PLPP4: variants seen among roughly 807,000 people sequenced by gnomAD.
PLPP4 encodes diacylglycerol pyrophosphate like 2.
A neutral mutation model predicts 32.2 loss-of-function variants in PLPP4; 20 were observed. That is an observed-to-expected ratio of 0.62 (90% CI 0.44 to 0.90). The LOEUF (loss-of-function observed/expected upper bound fraction) is 0.90, where lower values mean the gene tolerates loss of function less well. Among genes scored for constraint, PLPP4 ranks in the 40% least tolerant of loss-of-function variants. The pLI is 0.00. For synonymous variants in PLPP4, 127 were observed against 133.0 expected, an observed-to-expected ratio of 0.95 and a Z score of 0.31; for missense variants, 257 against 353.1, an observed-to-expected ratio of 0.73 and a Z score of 2.18.
At chr10:120,480,115 T>C (rs1018165081) in intron 1 of PLPP4, among the ~76,000 whole-genome samples, 8 of 152,200 alleles carry the variant, frequency 5.3e-5, no homozygotes, top group African/African-American at 1.9e-4. Flanking sequence ...GTTCAGGTGC[T>C]GGAGGTTTCT....
At chr10:120,574,168 ACTCTCTCTC>A (rs1849091390) in intron 5 of PLPP4, among the ~76,000 whole-genome samples, 1 of 47,092 alleles carries the variant, frequency 2.1e-5, no homozygotes, top group South Asian at 9.4e-4. Context: ...ACACACACAC[ACTCTCTCTC>A]TCTCTCTCTC....
chr10:120,529,133 C>A (rs569411901), intron 5 of PLPP4, among the ~76,000 whole-genome samples: 1 of 152,262 alleles, frequency 6.6e-6, no homozygotes, highest in Admixed American at 6.5e-5. Flanking sequence ...TTTTGCACCC[C>A]CCAGGGGACA....
chr10:120,462,458 C>T (rs191250690), intron 1 of PLPP4, among the ~76,000 whole-genome samples: 251 of 152,306 alleles, frequency 1.6e-3, no homozygotes, highest in Non-Finnish European at 3.0e-3. Context: ...GCTTCGTGGC[C>T]GCAGCCCTGC....
At chr10:120,471,891 C>T (rs1246566557) in intron 1 of PLPP4, among the ~76,000 whole-genome samples, 1 of 151,908 alleles carries the variant, frequency 6.6e-6, no homozygotes, top group African/African-American at 2.4e-5. Context: ...AGCTATATCT[C>T]TTTAAAAATT....
At position 120,535,956 on chromosome 10, in the gene PLPP4, A is replaced by G. The variant is rs1457982736; in HGVS notation, c.445+14861A>G. On this transcript the variant is annotated intron_variant, in intron 5 of 6. Coordinates refer to ENST00000398250, the MANE Select transcript of PLPP4 (RefSeq NM_001030059.3). Reference sequence around the variant, plus strand: ...TTTAGAGATCATTCAAGACATTTCAAAAATAGAAATTCAAAATTACCATGT... The same window carrying G: ...TTTAGAGATCATTCAAGACATTTCAGAAATAGAAATTCAAAATTACCATGT... Among the ~76,000 whole-genome samples the G allele has an allele frequency of 3.9e-5, 6 of 152,266 alleles. No homozygotes were observed. In the East Asian group the frequency reaches 1.2e-3, roughly 29 times the overall value.
chr10:120,588,468 TA>T (rs1849865288), intron 6 of PLPP4, among the ~76,000 whole-genome samples: 2 of 152,214 alleles, frequency 1.3e-5, no homozygotes, highest in African/African-American at 4.8e-5. Context: ...AGGCATATCT[TA>T]AAATGTTTTA....
At chr10:120,566,622 AACCTCC>A (rs1222217501) in intron 5 of PLPP4, among the ~76,000 whole-genome samples, 2 of 150,068 alleles carry the variant, frequency 1.3e-5, no homozygotes, top group Admixed American at 6.6e-5. Context: ...AGCCCACTGT[AACCTCC>A]ACCTCCACCT....
chr10:120,537,712 G>T (rs941984529), intron 5 of PLPP4, among the ~76,000 whole-genome samples: 2 of 152,176 alleles, frequency 1.3e-5, no homozygotes, highest in Admixed American at 1.3e-4. Context: ...AGGTAACTAT[G>T]TGAGGTGATG....
chr10:120,507,086 G>A (rs567686580), intron 2 of PLPP4, among the ~76,000 whole-genome samples: 74 of 152,234 alleles, frequency 4.9e-4, no homozygotes, highest in African/African-American at 1.7e-3. Flanking sequence ...CAACTTAATC[G>A]GTATTAGTTG....
At chr10:120,484,611 A>G (rs1272963569) in intron 1 of PLPP4, among the ~76,000 whole-genome samples, 1 of 152,182 alleles carries the variant, frequency 6.6e-6, no homozygotes, top group Non-Finnish European at 1.5e-5. Flanking sequence ...TAAAGTTCCC[A>G]TGTCTTAATA....
intron 5 of PLPP4, among the ~76,000 whole-genome samples, chr10:120,542,866 A>G (rs1847418073): frequency 6.6e-6 from 1 of 152,166 alleles, no homozygotes; most frequent in Admixed American, 6.5e-5. Flanking sequence ...TTCCAAAATT[A>G]TTCTGTGCAT....
chr10:120,543,421 C>T (rs933788373), intron 5 of PLPP4, among the ~76,000 whole-genome samples: 1 of 152,064 alleles, frequency 6.6e-6, no homozygotes. Context: ...GCTTGTGAAG[C>T]CCTTGGTGCT....
rs540600069 is a variant in PLPP4, at chr10:120,495,630, T to C, written c.57-8188T>C. Among the ~76,000 whole-genome samples the C allele has an allele frequency of 5.3e-5, 8 of 152,228 alleles. No homozygotes were observed. In the South Asian group the frequency reaches 1.7e-3, roughly 32 times the overall value. ...TTTGTTTATCATGTGTCTTCAAGTG[T>C]TACTATTTTTTTTTCTTCAGATCTC... On this transcript the variant is annotated intron_variant, in intron 1 of 6. Transcript: ENST00000398250.
At chr10:120,509,548 T>C (rs1446395685) in intron 2 of PLPP4, among the ~76,000 whole-genome samples, 2 of 152,178 alleles carry the variant, frequency 1.3e-5, no homozygotes, top group Non-Finnish European at 2.9e-5. Context: ...AGCCTCAGTT[T>C]CCCCATCTGT....
chr10:120,459,096 A>G (rs942719154), intron 1 of PLPP4, among the ~76,000 whole-genome samples: 1 of 152,234 alleles, frequency 6.6e-6, no homozygotes, highest in Admixed American at 6.5e-5. Context: ...CAGATATACA[A>G]TGGTCTATGC....
intron 1 of PLPP4, among the ~76,000 whole-genome samples, chr10:120,477,242 C>A (rs201192977): frequency 3.7e-3 from 525 of 140,042 alleles, no homozygotes; most frequent in Non-Finnish European, 4.8e-3. Context: ...CAGAACGGTT[C>A]AAAAAGAAAA....
intron 1 of PLPP4, among the ~76,000 whole-genome samples, chr10:120,494,441 C>T (rs1157229487): frequency 6.6e-6 from 1 of 152,222 alleles, no homozygotes; most frequent in African/African-American, 2.4e-5. Context: ...TCTGTGCCCC[C>T]ACAGTTGAAA....
At chr10:120,499,364 G>T (rs1003092806) in intron 1 of PLPP4, among the ~76,000 whole-genome samples, 20 of 151,404 alleles carry the variant, frequency 1.3e-4, no homozygotes, top group African/African-American at 4.4e-4. Context: ...TTTAGATTCA[G>T]ATTGTATTGG....
intron 5 of PLPP4, among the ~76,000 whole-genome samples, chr10:120,525,481 G>A (rs191928653): frequency 8.5e-5 from 13 of 152,240 alleles, no homozygotes; most frequent in African/African-American, 2.2e-4. Flanking sequence ...AGTTCTTTCC[G>A]TTAGGTATGT....
Sources: allele counts gnomAD v4.1 joint callset (sites outside exome capture counted in the v4.1 genomes callset), GRCh38; gene constraint gnomAD v4.1.1; transcripts MANE v1.5; gene names NCBI Gene and HGNC (gene_info 2026-07-23, HGNC 2026-07-21).